SP140: variants seen among roughly 807,000 people sequenced by gnomAD.
The protein encoded by SP140 is SP140 nuclear body protein, also known as nuclear body protein SP140.
In SP140, 81 loss-of-function variants were observed where a neutral mutation model predicts 125.0. That is an observed-to-expected ratio of 0.65 (90% confidence interval 0.54 to 0.78). The LOEUF (loss-of-function observed/expected upper bound fraction) is 0.78. Among genes scored for constraint, SP140 ranks in the 30% least tolerant of loss-of-function variants. The pLI is 0.00. For synonymous variants in SP140, 312 were observed against 354.0 expected, an observed-to-expected ratio of 0.88 and a Z score of 1.33; for missense variants, 858 against 1,037.0, an observed-to-expected ratio of 0.83 and a Z score of 2.37.
Position 230,248,872 on chromosome 2 carries a change from T to C in SP140, c.893-13T>C. On this transcript the variant is annotated splice_polypyrimidine_tract_variant and intron_variant, in intron 8 of 26. Transcript: ENST00000392045. ...CACCCTCTGTGGTCTGTCAATTTCT[T>C]GTTTATCTGCAGAGACCTTTGATCT... is the stretch of plus-strand genomic sequence containing the variant. 1.9e-6 allele frequency: 3 copies of C among 1,606,726 alleles called. No individual in the cohort carries two copies. Among genetic ancestry groups the C allele is most frequent in the Non-Finnish European group, 2.6e-6 (3 of 1,173,492 alleles).
chr2:230,297,778 C>T (rs2057892351), intron 22 of SP140, among the ~76,000 whole-genome samples: 1 of 152,182 alleles, frequency 6.6e-6, no homozygotes, highest in Non-Finnish European at 1.5e-5. Flanking sequence ...ATGGGTAGGG[C>T]TGGCCTGGTG....
intron 20 of SP140, among the ~76,000 whole-genome samples, chr2:230,293,931 G>A (rs1213696485): frequency 1.3e-5 from 2 of 152,204 alleles, no homozygotes; most frequent in African/African-American, 4.8e-5. Context: ...TGTGTGTGCT[G>A]CTTGGATAGC....
downstream of SP140, among the ~76,000 whole-genome samples, chr2:230,316,363 C>T (rs908038382): frequency 2.0e-5 from 3 of 152,156 alleles, no homozygotes; most frequent in Non-Finnish European, 4.4e-5. Flanking sequence ...AAACTCAGAG[C>T]TTGATGGGCC....
chr2:230,282,627 G>A (rs1035080420), intron 15 of SP140, among the ~76,000 whole-genome samples: 2 of 141,718 alleles, frequency 1.4e-5, no homozygotes, highest in Admixed American at 6.9e-5. Context: ...GTGAGACCCC[G>A]TATCTACACA....
chr2:230,254,817 C>A (rs2149250334), intron 11 of SP140, among the ~76,000 whole-genome samples: 1 of 152,312 alleles, frequency 6.6e-6, no homozygotes, highest in South Asian at 2.1e-4. Flanking sequence ...CAGCCCATAT[C>A]ATCTGTCTCA....
intron 4 of SP140, among the ~76,000 whole-genome samples, chr2:230,242,826 C>G (rs16826921): frequency 0.048 from 7,227 of 152,142 alleles, 497 homozygotes; most frequent in African/African-American, 0.16. Flanking sequence ...TTTGCATCCC[C>G]AAGACCAGGT....
the SP140 span, among the ~76,000 whole-genome samples, chr2:230,193,111 C>T: frequency 6.6e-6 from 1 of 152,126 alleles, no homozygotes; most frequent in Non-Finnish European, 1.5e-5. Flanking sequence ...TAATGACCTT[C>T]TTTGCCTTTT....
chr2:230,265,453 A>G (rs2052947831), intron 12 of SP140, among the ~76,000 whole-genome samples: 1 of 152,066 alleles, frequency 6.6e-6, no homozygotes, highest in South Asian at 2.1e-4. Context: ...CCCTCACAAG[A>G]GTTCTGTCCA....
intron 15 of SP140, among the ~76,000 whole-genome samples, chr2:230,276,964 C>T (rs191087841): frequency 6.6e-6 from 1 of 152,158 alleles, no homozygotes; most frequent in Admixed American, 6.6e-5. Context: ...CATGATAAAC[C>T]TTGAGTGGAC....
chr2:230,269,606 G>A lies in SP140; in HGVS notation c.1315G>A (p.Asp439Asn). The change falls in exon 13 of 27, where the codon GAT (aspartate) becomes AAT (asparagine). Residue 439 changes from aspartate to asparagine, a missense_variant. Physicochemically the swap from Asp to Asn is conservative, Grantham distance 23 (BLOSUM62 1). This residue lies in a region of SP140 where 791 missense variants were observed against 869.5 expected (regional missense o/e 0.91). Transcript: ENST00000392045. ...SEELASSLLY[D>N]NVPGAEQSAY... is the part of the protein sequence containing the mutation. The stretch of plus-strand genomic sequence containing the variant: ...AGAGCTTGCTTCTAGCCTGCTATAT[G>A]ATAATGTACCAGGTAATTATGACTT... 1.3e-6 allele frequency: 2 copies of A among 1,558,450 alleles called. No homozygotes were observed. The highest frequency in any genetic ancestry group is 1.7e-6 in the Non-Finnish European group (2 of 1,144,150).
intron 5 of SP140, 67 bp downstream of exon 5, chr2:230,243,878 T>C (rs1402287457): frequency 9.1e-7 from 1 of 1,094,208 alleles, no homozygotes; most frequent in Non-Finnish European, 1.4e-6. Context: ...AGAGCTGGTG[T>C]TTCCTAATGC....
At chr2:230,202,110 T>G (rs574513502), upstream of SP140, among the ~76,000 whole-genome samples, 1 of 152,234 alleles carries the variant, frequency 6.6e-6, no homozygotes, top group African/African-American at 2.4e-5. Context: ...GTCACTCTTT[T>G]CACTAATTTT....
At chr2:230,224,643 G>T (rs1283280836), upstream of SP140, among the ~76,000 whole-genome samples, 2 of 152,164 alleles carry the variant, frequency 1.3e-5, no homozygotes, top group Non-Finnish European at 2.9e-5. Context: ...TGTGGAAGGG[G>T]TAGAAATTTC....
chr2:230,301,343 G>T (rs1486209460), intron 22 of SP140, among the ~76,000 whole-genome samples: 2 of 152,174 alleles, frequency 1.3e-5, no homozygotes, highest in Non-Finnish European at 2.9e-5. Flanking sequence ...GAGTCATCAG[G>T]TTATCTAAAG....
At chr2:230,249,244 C>T (rs1353912017) in intron 9 of SP140, among the ~76,000 whole-genome samples, 4 of 152,092 alleles carry the variant, frequency 2.6e-5, no homozygotes, top group East Asian at 1.9e-4. Context: ...CAGAGAAGTG[C>T]GTGGGTGATG....
rs535522605 is a variant in SP140, at chr2:230,300,074, C to T, written c.2058+2612C>T. Among the ~76,000 whole-genome samples, 16 of 152,256 alleles carry T rather than the reference C, an allele frequency of 1.1e-4. No individual in the cohort carries two copies. In the South Asian group the frequency reaches 2.1e-3, roughly 20 times the overall value. ...GGGGCTCATGGGAGCTCTATGACCT[C>T]ACCCATCACCTGAGAAAACCGAATA... On this transcript the variant is annotated intron_variant, in intron 22 of 26. Transcript: ENST00000392045.
At chr2:230,245,683 G>C (rs1418330756) in intron 6 of SP140, among the ~76,000 whole-genome samples, 180 bp from the exon 7 acceptor site, 1 of 151,962 alleles carries the variant, frequency 6.6e-6, no homozygotes, top group Non-Finnish European at 1.5e-5. Flanking sequence ...GGAGAGAGAG[G>C]GAGAGAGGGG....
intron 19 of SP140, among the ~76,000 whole-genome samples, chr2:230,291,187 A>G (rs1303541645): frequency 6.6e-6 from 1 of 152,238 alleles, no homozygotes; most frequent in Non-Finnish European, 1.5e-5. Flanking sequence ...GTCTATTAGA[A>G]TGGCCATCAT....
intron 12 of SP140, among the ~76,000 whole-genome samples, chr2:230,258,738 GA>G (rs1282481177): frequency 6.6e-6 from 1 of 152,150 alleles, no homozygotes; most frequent in Non-Finnish European, 1.5e-5. Context: ...TTCATTTGAT[GA>G]ATCATATATT....
Sources: gnomAD v4.1 joint callset for allele counts (sites outside exome capture counted in the v4.1 genomes callset) on GRCh38, gnomAD v4.1.1 for gene constraint, gnomAD v4.1.1 regional missense constraint, MANE v1.5 for transcripts, NCBI Gene and HGNC (gene_info 2026-07-23, HGNC 2026-07-21) for gene names.